The following COTL1 variants were observed in gnomAD, a reference collection of about 807,000 sequenced individuals.
COTL1 encodes the protein coactosin like F-actin binding protein 1.
In COTL1, 15 loss-of-function variants were observed where a neutral mutation model predicts 16.5. The observed-to-expected ratio is 0.91, with a 90% CI of 0.61 to 1.40. The LOEUF is 1.40. Ranked by LOEUF, COTL1 falls within the 40% of genes most tolerant of loss-of-function variation. The pLI is 0.00. For missense variants in COTL1, 220 were observed against 201.5 expected (o/e 1.09, Z -0.56); for synonymous variants, 112 against 85.3 (o/e 1.31, Z -1.73).
chr16:84,617,922 G>T lies in COTL1; in HGVS notation c.-8C>A, dbSNP rs777740869. 1 of 1,549,858 alleles carries T rather than the reference G, an allele frequency of 6.5e-7. No homozygotes were observed. Among genetic ancestry groups the T allele is most frequent in the Non-Finnish European group, 8.7e-7 (1 of 1,147,700 alleles). On this transcript the variant is annotated 5_prime_UTR_variant, in exon 1 of 4. Coordinates refer to ENST00000262428, the MANE Select transcript of COTL1 (RefSeq NM_021149.5). ...GTCGATCTTGGTGGCCATCGCCGCG[G>T]AGCCGCAGCGGGACACTGTCCGGGG...
Position 84,566,662 on chromosome 16 carries a change from G to C in COTL1, c.*183C>G. The C allele has an allele frequency of 1.8e-6, 1 of 559,020 alleles. No homozygotes were observed. The highest frequency in any genetic ancestry group is 3.2e-6 in the Non-Finnish European group (1 of 313,984). 34.6% of individuals were successfully genotyped at this position (559,020 alleles called of 1,614,324 possible). A position where few individuals can be genotyped will look rare whatever the true frequency, so the allele number is the denominator to read the frequency against. ...AGGTTCCATGAGCGTCATGAGATAG[G>C]ACACGGCAGGGTTCTAAGGGAAGCG... On this transcript the variant is annotated 3_prime_UTR_variant, in exon 4 of 4. Transcript: ENST00000262428.
At chr16:84,592,097 C>G (rs1387382530) in intron 2 of COTL1, among the ~76,000 whole-genome samples, 1 of 152,318 alleles carries the variant, frequency 6.6e-6, no homozygotes, top group South Asian at 2.1e-4. Context: ...AAAAATGCCT[C>G]CATACATTGC....
chr16:84,568,725 A>G (rs1301825574), intron 3 of COTL1: 1 of 152,242 alleles, frequency 6.6e-6, no homozygotes, highest in Non-Finnish European at 1.5e-5. Context: ...ACGAAAAAGT[A>G]CTGAAAAAGT....
chr16:84,607,428 G>A (rs576089508), intron 2 of COTL1, among the ~76,000 whole-genome samples: 14 of 152,178 alleles, frequency 9.2e-5, no homozygotes, highest in Non-Finnish European at 1.9e-4. Context: ...TCCAGCAAGC[G>A]ACTCTGGCTC....
intron 3 of COTL1, among the ~76,000 whole-genome samples, chr16:84,588,371 C>T (rs796204831): frequency 1.3e-5 from 2 of 152,174 alleles, no homozygotes; most frequent in African/African-American, 4.8e-5. Flanking sequence ...TACTGTGGTA[C>T]ATTTGTCACA....
chr16:84,583,606 G>A (rs959564043), intron 3 of COTL1, among the ~76,000 whole-genome samples: 6 of 152,086 alleles, frequency 3.9e-5, no homozygotes, highest in African/African-American at 7.2e-5. Flanking sequence ...ACAGGCATGC[G>A]ACACCATGCC....
At chr16:84,586,763 T>G (rs1332085646) in intron 3 of COTL1, among the ~76,000 whole-genome samples, 1 of 151,946 alleles carries the variant, frequency 6.6e-6, no homozygotes, top group Non-Finnish European at 1.5e-5. Flanking sequence ...TTTTTGGTAT[T>G]TTTAGTAGAG....
At chr16:84,615,590 C>T (rs1905454405) in intron 2 of COTL1, among the ~76,000 whole-genome samples, 1 of 152,226 alleles carries the variant, frequency 6.6e-6, no homozygotes, top group Non-Finnish European at 1.5e-5. Context: ...GTCTGTAAAG[C>T]ATAGCCTCAG....
At chr16:84,613,193 T>A (rs1451373463) in intron 2 of COTL1, among the ~76,000 whole-genome samples, 3 of 151,966 alleles carry the variant, frequency 2.0e-5, no homozygotes, top group Non-Finnish European at 4.4e-5. Context: ...AGAGACAGGG[T>A]TTCACTGTGT....
chr16:84,605,040 T>C (rs1369647683), intron 2 of COTL1, among the ~76,000 whole-genome samples: 5 of 152,190 alleles, frequency 3.3e-5, no homozygotes, highest in African/African-American at 9.7e-5. Context: ...TTAAGGAGCA[T>C]TGCTCCCCAG....
At chr16:84,614,959 T>C (rs1057221896) in intron 2 of COTL1, among the ~76,000 whole-genome samples, 1 of 152,128 alleles carries the variant, frequency 6.6e-6, no homozygotes, top group Non-Finnish European at 1.5e-5. Flanking sequence ...CCTATTAACC[T>C]CTCTGGGCCT....
At chr16:84,592,824 G>A (rs1490196711) in intron 2 of COTL1, among the ~76,000 whole-genome samples, 1 of 152,038 alleles carries the variant, frequency 6.6e-6, no homozygotes, top group African/African-American at 2.4e-5. Flanking sequence ...GTGGTCTAAC[G>A]GGTCATCCAT....
chr16:84,591,572 G>A (rs994953859), intron 2 of COTL1, among the ~76,000 whole-genome samples: 2 of 144,932 alleles, frequency 1.4e-5, no homozygotes, highest in Admixed American at 7.1e-5. Flanking sequence ...GGCAAAGGTG[G>A]GAGGATCACT....
At chr16:84,570,530 A>T (rs1485128114) in intron 3 of COTL1, among the ~76,000 whole-genome samples, 1 of 151,978 alleles carries the variant, frequency 6.6e-6, no homozygotes, top group Admixed American at 6.6e-5. Context: ...AGACATATTT[A>T]AAATCAAAAG....
chr16:84,591,249 T>A (rs1335829791), intron 2 of COTL1, among the ~76,000 whole-genome samples: 2 of 150,946 alleles, frequency 1.3e-5, no homozygotes, highest in East Asian at 2.0e-4. Flanking sequence ...AGTGGCGCGA[T>A]CTCGACTCAC....
At chr16:84,584,416 A>G (rs140503789) in intron 3 of COTL1, among the ~76,000 whole-genome samples, 264 of 152,356 alleles carry the variant, frequency 1.7e-3, no homozygotes, top group African/African-American at 6.0e-3. Flanking sequence ...CCCCAGCTCT[A>G]TCACTCATTA....
intron 3 of COTL1, among the ~76,000 whole-genome samples, chr16:84,575,008 G>C (rs943714616): frequency 6.6e-6 from 1 of 152,114 alleles, no homozygotes; most frequent in Non-Finnish European, 1.5e-5. Context: ...ATGTTCTCCT[G>C]TCTTGGTTTT....
chr16:84,592,271 T>G (rs1270027704), intron 2 of COTL1, among the ~76,000 whole-genome samples: 1 of 152,238 alleles, frequency 6.6e-6, no homozygotes, highest in Admixed American at 6.5e-5. Flanking sequence ...ACAGTTCATA[T>G]TTTAACTGCC....
chr16:84,570,298 A>T (rs1053917768), intron 3 of COTL1, among the ~76,000 whole-genome samples: 1 of 152,142 alleles, frequency 6.6e-6, no homozygotes, highest in Non-Finnish European at 1.5e-5. Flanking sequence ...TAAGTTTGAT[A>T]AGGTCTAAGA....
Sources: allele counts gnomAD v4.1 joint callset (sites outside exome capture counted in the v4.1 genomes callset), GRCh38; gene constraint gnomAD v4.1.1; transcripts MANE v1.5; gene names NCBI Gene and HGNC (gene_info 2026-07-23, HGNC 2026-07-21).